Variants in PKNOX2 observed in about 807,000 individuals in gnomAD.
The protein encoded by PKNOX2 is PBX/knotted 1 homeobox 2.
Under a neutral mutation model 53.1 loss-of-function variants are expected in PKNOX2, and 14 were observed. The ratio of observed to expected loss-of-function variants is 0.26; its 90% CI spans 0.17 to 0.41. The LOEUF is 0.41. PKNOX2 is among the 10% of genes least tolerant of loss of function. The pLI is 1.00. For synonymous variants in PKNOX2, 257 were observed against 242.8 expected (o/e 1.06, Z -0.54); for missense variants, 496 against 602.8 (o/e 0.82, Z 1.85).
intron 1 of PKNOX2, among the ~76,000 whole-genome samples, chr11:125,234,665 G>C (rs989600971): frequency 6.6e-6 from 1 of 152,090 alleles, no homozygotes; most frequent in Non-Finnish European, 1.5e-5. Context: ...CCCCTGCATG[G>C]GGTCTTCCAA....
intron 2 of PKNOX2, among the ~76,000 whole-genome samples, chr11:125,265,651 C>T (rs1044198809): frequency 6.6e-6 from 1 of 152,208 alleles, no homozygotes; most frequent in African/African-American, 2.4e-5. Context: ...CAGTGCGGGG[C>T]TGTCACCCGG....
At chr11:125,198,744 C>T (rs1049785623) in intron 1 of PKNOX2, among the ~76,000 whole-genome samples, 1 of 150,412 alleles carries the variant, frequency 6.6e-6, no homozygotes, top group Non-Finnish European at 1.5e-5. Flanking sequence ...TGCTTCTCCT[C>T]TGATTTTTTG....
Position 125,244,606 on chromosome 11 carries a change from G to C in PKNOX2, c.-130+9491G>C, listed in dbSNP as rs137871421. On this transcript the variant is annotated intron_variant, in intron 2 of 12. Transcript: ENST00000298282. ...AGCCTCAGCAAAGTGCCAGGGGGCT[G>C]GGAGGCTTTTCATTACCAAATGCAC... 2.0e-5 allele frequency among the ~76,000 whole-genome samples: 3 copies of C among 152,336 alleles called. No individual in the cohort carries two copies. The East Asian group carries it at 5.8e-4, about 29-fold the overall frequency.
At chr11:125,207,073 A>G (rs1237176383) in intron 1 of PKNOX2, among the ~76,000 whole-genome samples, 1 of 151,692 alleles carries the variant, frequency 6.6e-6, no homozygotes, top group Non-Finnish European at 1.5e-5. Context: ...AGAGTAAGAG[A>G]AAGGAGGGAC....
At chr11:125,428,235 T>G (rs11220069) in intron 10 of PKNOX2, among the ~76,000 whole-genome samples, 18,244 of 152,056 alleles carry the variant, frequency 0.12, 1,203 homozygotes, top group East Asian at 0.28. Flanking sequence ...GAGAGACACC[T>G]GCCCTGCTCT....
intron 2 of PKNOX2, among the ~76,000 whole-genome samples, chr11:125,316,047 A>T (rs1432685003): frequency 1.3e-5 from 2 of 152,214 alleles, no homozygotes; most frequent in Non-Finnish European, 2.9e-5. Flanking sequence ...CACCATGACA[A>T]CAGCAAGGGA....
At position 125,375,870 on chromosome 11, in the gene PKNOX2, C is replaced by T. The variant is rs552327999; in HGVS notation, c.227+7885C>T. ...TTGTTTATAACTTTTATTTTCAGTT[C>T]GGGGTGCAGGAGCAGGTTTGTTATA... On this transcript the variant is annotated intron_variant, in intron 5 of 12. Coordinates refer to ENST00000298282, the MANE Select transcript of PKNOX2 (RefSeq NM_001382323.2). Among the ~76,000 whole-genome samples, 5 of 152,236 alleles carry T rather than the reference C, an allele frequency of 3.3e-5. No homozygotes were observed. The East Asian group carries it at 9.6e-4, about 29-fold the overall frequency.
chr11:125,196,337 T>C (rs1316263852), intron 1 of PKNOX2, among the ~76,000 whole-genome samples: 1 of 152,136 alleles, frequency 6.6e-6, no homozygotes, highest in African/African-American at 2.4e-5. Flanking sequence ...TGCTGGTTTC[T>C]CTAGGGCTCC....
At chr11:125,409,005 T>C (rs1955297930) in intron 7 of PKNOX2, among the ~76,000 whole-genome samples, 1 of 152,190 alleles carries the variant, frequency 6.6e-6, no homozygotes, top group African/African-American at 2.4e-5. Context: ...CATTTGAGCA[T>C]GGGAATGTCG....
chr11:125,409,512 G>A (rs1955355824), intron 7 of PKNOX2, among the ~76,000 whole-genome samples: 2 of 152,114 alleles, frequency 1.3e-5, no homozygotes, highest in African/African-American at 4.8e-5. Context: ...GACAGGTTAT[G>A]GGAAGGCTAG....
At chr11:125,217,039 T>A (rs1017106121) in intron 1 of PKNOX2, among the ~76,000 whole-genome samples, 3 of 134,160 alleles carry the variant, frequency 2.2e-5, no homozygotes, top group Non-Finnish European at 5.0e-5. Context: ...ACACACACAG[T>A]CTCTCTCACA....
At chr11:125,410,403 G>A in intron 8 of PKNOX2, 78 bp downstream of exon 8, 13 of 1,582,620 alleles carry the variant, frequency 8.2e-6, no homozygotes, top group Non-Finnish European at 1.0e-5. Context: ...GGTTCCAGGG[G>A]TGGGGGTTGT....
At chr11:125,359,037 G>T (rs1951775776) in intron 4 of PKNOX2, among the ~76,000 whole-genome samples, 1 of 151,784 alleles carries the variant, frequency 6.6e-6, no homozygotes, top group Non-Finnish European at 1.5e-5. Flanking sequence ...GAGGCAGGTT[G>T]CAGGGGAGAT....
chr11:125,298,496 A>T (rs546618462), intron 2 of PKNOX2, among the ~76,000 whole-genome samples: 1 of 152,182 alleles, frequency 6.6e-6, no homozygotes, highest in South Asian at 2.1e-4. Context: ...CCAAAGCAAC[A>T]GCCCTGACTC....
At chr11:125,286,849 G>A (rs1204918436) in intron 2 of PKNOX2, among the ~76,000 whole-genome samples, 1 of 152,232 alleles carries the variant, frequency 6.6e-6, no homozygotes, top group Admixed American at 6.5e-5. Flanking sequence ...GGCCTGACTT[G>A]GTCAGAATGT....
chr11:125,294,384 G>T (rs1210717907), intron 2 of PKNOX2, among the ~76,000 whole-genome samples: 1 of 152,152 alleles, frequency 6.6e-6, no homozygotes, highest in Non-Finnish European at 1.5e-5. Context: ...CCAGAAGAGA[G>T]GTACAGAGAG....
intron 7 of PKNOX2, among the ~76,000 whole-genome samples, chr11:125,399,475 A>G (rs901354342): frequency 6.6e-6 from 1 of 152,166 alleles, no homozygotes; most frequent in Non-Finnish European, 1.5e-5. Context: ...GAGAGATGCA[A>G]GATAGGAGCT....
Position 125,410,229 on chromosome 11 carries a change from GGAGTCTCCA to G in PKNOX2, c.623_631del (p.Gly208_Asn211delinsAsp), listed in dbSNP as rs1480003333. On this transcript the variant is annotated inframe_deletion, in exon 8 of 13. Coordinates refer to ENST00000298282, the MANE Select transcript of PKNOX2 (RefSeq NM_001382323.2). ...GCAGAATTCCCCCAATTCCATGTCCGGAGTCTCCAATAACCCCCAGGGGATTGTGGTCCC... is the reference window on the plus strand; with the variant it reads ...GCAGAATTCCCCCAATTCCATGTCCGATAACCCCCAGGGGATTGTGGTCCC... 1.9e-6 allele frequency: 3 copies of G among 1,613,892 alleles called. No homozygotes were observed. The highest frequency in any genetic ancestry group is 1.3e-5 in the African/African-American group (1 of 74,880).
At chr11:125,428,806 G>A (rs1956555129) in intron 10 of PKNOX2, among the ~76,000 whole-genome samples, 2 of 152,228 alleles carry the variant, frequency 1.3e-5, no homozygotes, top group African/African-American at 4.8e-5. Flanking sequence ...GCCAGCCCGG[G>A]ATGTGGAGTC....
Sources: gnomAD v4.1 joint callset for allele counts (sites outside exome capture counted in the v4.1 genomes callset) on GRCh38, gnomAD v4.1.1 for gene constraint, MANE v1.5 for transcripts, NCBI Gene and HGNC (gene_info 2026-07-23, HGNC 2026-07-21) for gene names.